Variants in SLC25A45 observed in about 807,000 individuals in gnomAD.
The protein encoded by SLC25A45 is solute carrier family 25 member 45.
Under a neutral mutation model 23.0 loss-of-function variants are expected in SLC25A45, and 22 were observed. The ratio of observed to expected loss-of-function variants is 0.95; its 90% CI spans 0.68 to 1.36. The LOEUF (loss-of-function observed/expected upper bound fraction) is 1.36, where lower values mean the gene tolerates loss of function less well. Ranked by LOEUF, SLC25A45 falls within the 40% of genes most tolerant of loss-of-function variation. The probability of loss-of-function intolerance (pLI) is 0.00; values close to 1 mark genes in which losing one functional copy is unlikely to be tolerated. For missense variants in SLC25A45, 355 were observed against 383.5 expected (o/e 0.93, Z 0.62); for synonymous variants, 136 against 155.0 (o/e 0.88, Z 0.91).
At chr11:65,377,293 G>A in intron 5 of SLC25A45, 1 of 1,403,598 alleles carries the variant, frequency 7.1e-7, no homozygotes, top group East Asian at 2.7e-5. Flanking sequence ...AGGCCCAAGA[G>A]TGAGAGGCAC....
intron 3 of SLC25A45, 49 bp from the exon 4 acceptor site, chr11:65,379,987 C>T: frequency 6.2e-7 from 1 of 1,607,080 alleles, no homozygotes; most frequent in East Asian, 2.2e-5. Context: ...GCAGGTGGGC[C>T]AACCTTTCCC....
At chr11:65,377,100 C>A in intron 5 of SLC25A45, 24 bp from the exon 6 acceptor site, 1 of 1,603,940 alleles carries the variant, frequency 6.2e-7, no homozygotes, top group Non-Finnish European at 8.5e-7. Context: ...AACATGAGGG[C>A]CCCGGGTGGG....
chr11:65,377,402 C>T, intron 5 of SLC25A45: 1 of 1,196,006 alleles, frequency 8.4e-7, no homozygotes, highest in Non-Finnish European at 1.0e-6. Flanking sequence ...TCTGGCCTCC[C>T]TAAAGCCGGC....
rs1275926810 is a variant in SLC25A45 at position 65,382,598 on chromosome 11, G to T, written c.-131C>A. ...TTCCCAGGGGAAAGATAGGGGTTTT[G>T]ATTATTTAAAGTGCGTGTTGATCTG... On this transcript the variant is annotated 5_prime_UTR_variant, in exon 1 of 7. Transcript: ENST00000398802. This position sits in a 1 kb window ranked among gnomAD's most constrained non-coding sequence, Gnocchi z 4.4. 1 of 154,508 alleles carries T rather than the reference G, an allele frequency of 6.5e-6. No homozygotes were observed. Among genetic ancestry groups the T allele is most frequent in the East Asian group, 1.9e-4 (1 of 5,266 alleles). 9.6% of individuals were successfully genotyped at this position (154,508 alleles called of 1,614,324 possible). A position where few individuals can be genotyped will look rare whatever the true frequency, so the allele number is the denominator to read the frequency against.
intron 4 of SLC25A45, 102 bp downstream of exon 4, chr11:65,379,765 C>T: frequency 6.7e-7 from 1 of 1,487,514 alleles, no homozygotes. Flanking sequence ...ACTTGGTCTT[C>T]TCTCCTCCAG....
chr11:65,376,573 A>G lies in SLC25A45; in HGVS notation c.701T>C (p.Leu234Pro). The G allele has an allele frequency of 3.1e-6, 5 of 1,614,152 alleles. No homozygotes were observed. The highest frequency in any genetic ancestry group is 4.2e-6 in the Non-Finnish European group (5 of 1,180,006). Reference sequence around the variant, plus strand: ...CATCCCCTGGTACACTCTGCGTCTCAGTCCATCCATCTGCATCCGGGACTT... The same window carrying G: ...CATCCCCTGGTACACTCTGCGTCTCGGTCCATCCATCTGCATCCGGGACTT... Reference protein sequence around the residue: ...MIKSRMQMDGLRRRVYQGMLD... With the variant: ...MIKSRMQMDGPRRRVYQGMLD... The change falls in exon 7 of 7, where the codon CTG becomes CCG. Residue 234 changes from leucine to proline, a missense_variant. Transcript: ENST00000398802.
At chr11:65,378,422 T>G (rs1344740423) in intron 5 of SLC25A45, 1 of 152,204 alleles carries the variant, frequency 6.6e-6, no homozygotes, top group Non-Finnish European at 1.5e-5. Context: ...CCACTTCTGC[T>G]TTCCAAAGAG....
At position 65,376,290 on chromosome 11, in the gene SLC25A45, T is replaced by G; in HGVS notation, c.*117A>C. On this transcript the variant is annotated 3_prime_UTR_variant, in exon 7 of 7. Coordinates refer to ENST00000398802, the MANE Select transcript of SLC25A45 (RefSeq NM_182556.4). ...AGATCTGCGCGGGTGGGAGGCACCT[T>G]GGTTAGGAAGGGCTGAGCCTCTTGC... 7.6e-7 allele frequency: 1 copy of G among 1,321,478 alleles called. No individual in the cohort carries two copies. The highest frequency in any genetic ancestry group is 1.0e-6 in the Non-Finnish European group (1 of 963,600). The allele number at this position is 1,321,478 out of a possible 1,614,324, so 81.9% of individuals were successfully genotyped here. A position where few individuals can be genotyped will look rare whatever the true frequency, so the allele number is the denominator to read the frequency against.
rs544956231 is a variant in SLC25A45, at chr11:65,375,935, G to T, written c.*472C>A. ...AATTTAGCTGGGTGTGGTGGCGGGC[G>T]CCTATAGTCCCAGCTACTTGGGAGG... On this transcript the variant is annotated 3_prime_UTR_variant, in exon 7 of 7. Transcript: ENST00000398802. 317 of 160,100 alleles carry T rather than the reference G, an allele frequency of 2.0e-3. 1 individual carries two copies. The highest frequency in any genetic ancestry group is 7.4e-3 in the African/African-American group (308 of 41,592). The allele number at this position is 160,100 out of a possible 1,614,324, so 9.9% of individuals were successfully genotyped here.
chr11:65,382,144 T>C lies in SLC25A45; in HGVS notation c.-18-175A>G. ...GCCAGTTCCGGTGACCCTGGCCACC[T>C]GGAGGAGTCGTGCAGAGTACAGTCT... On this transcript the variant is annotated intron_variant, in intron 1 of 6. Transcript: ENST00000398802. This position sits in a 1 kb window ranked among gnomAD's most constrained non-coding sequence, Gnocchi z 4.4. The C allele has an allele frequency of 1.6e-6, 1 of 629,490 alleles. No homozygotes were observed. Among genetic ancestry groups the C allele is most frequent in the Admixed American group, 2.4e-5 (1 of 42,368 alleles). The allele number at this position is 629,490 out of a possible 1,614,324, so 39.0% of individuals were successfully genotyped here.
intron 5 of SLC25A45, chr11:65,378,913 T>C (rs1288818081): frequency 6.0e-6 from 1 of 165,868 alleles, no homozygotes; most frequent in East Asian, 1.9e-4. Flanking sequence ...TCCCAGGTCA[T>C]GGGCACCCAA....
Position 65,376,362 on chromosome 11 carries a change from C to T in SLC25A45, c.*45G>A. On this transcript the variant is annotated 3_prime_UTR_variant, in exon 7 of 7. Transcript: ENST00000398802. The stretch of plus-strand genomic sequence containing the variant: ...CTGGCCTCCAATCTCAAACTGGCCT[C>T]CAGGCCGTGGGCCTGATGGGGAGCT... The T allele has an allele frequency of 6.3e-7, 1 of 1,596,754 alleles. No homozygotes were observed. Among genetic ancestry groups the T allele is most frequent in the Non-Finnish European group, 8.6e-7 (1 of 1,167,602 alleles).
At chr11:65,379,022 C>G in intron 5 of SLC25A45, 2 of 296,502 alleles carry the variant, frequency 6.7e-6, no homozygotes, top group Non-Finnish European at 6.4e-6. Flanking sequence ...CTGCGGGGTG[C>G]TGGTGGTTCT....
intron 2 of SLC25A45, 108 bp downstream of exon 2, chr11:65,381,807 C>T: frequency 7.1e-7 from 1 of 1,406,758 alleles, no homozygotes; most frequent in Admixed American, 1.7e-5. Context: ...ATCCTCCCGC[C>T]AGGCCGGAAC....
chr11:65,379,251 C>T, intron 5 of SLC25A45, 125 bp downstream of exon 5: 2 of 1,121,748 alleles, frequency 1.8e-6, no homozygotes, highest in Non-Finnish European at 2.6e-6. Flanking sequence ...ATAGCACAGG[C>T]CTCTTGTTCC....
In SLC25A45 at chr11:65,376,309, C is replaced by T; in HGVS notation, c.*98G>A. The T allele has an allele frequency of 1.1e-5, 16 of 1,434,754 alleles. No homozygotes were observed. The highest frequency in any genetic ancestry group is 1.4e-5 in the African/African-American group (1 of 71,262). 88.9% of individuals were successfully genotyped at this position (1,434,754 alleles called of 1,614,324 possible). A position where few individuals can be genotyped will look rare whatever the true frequency, so the allele number is the denominator to read the frequency against. The stretch of plus-strand genomic sequence containing the variant: ...GCACCTTGGTTAGGAAGGGCTGAGC[C>T]TCTTGCACTGATTTGCAAGCTTTCA... On this transcript the variant is annotated 3_prime_UTR_variant, in exon 7 of 7. Coordinates refer to ENST00000398802, the MANE Select transcript of SLC25A45 (RefSeq NM_182556.4).
In SLC25A45 at chr11:65,376,857, C is replaced by G; in HGVS notation, c.559G>C (p.Gly187Arg). The G allele has an allele frequency of 6.2e-7, 1 of 1,614,234 alleles. No individual in the cohort carries two copies. The highest frequency in any genetic ancestry group is 8.5e-7 in the Non-Finnish European group (1 of 1,180,042). Reference protein sequence around the residue: ...TVGIYFITYEGLCRQYTPEGQ... With the variant: ...TVGIYFITYERLCRQYTPEGQ... ...TCTGGTGTGTACTGGCGACAGAGCC[C>G]TTCATAGGTGATGAAGTAGATCCCC... The change falls in exon 6 of 7, where the codon GGG (glycine) becomes CGG (arginine). Residue 187 changes from glycine (G) to arginine (R), a missense_variant. Gly to Arg is a moderately radical substitution (Grantham distance 125). Transcript: ENST00000398802.
chr11:65,379,316 G>A, intron 5 of SLC25A45, 60 bp downstream of exon 5: 2 of 1,581,614 alleles, frequency 1.3e-6, no homozygotes, highest in Non-Finnish European at 1.7e-6. Context: ...GGGTGGGAGA[G>A]GACAGATCGA....
Position 65,376,139 on chromosome 11 carries a change from G to A in SLC25A45, c.*268C>T, listed in dbSNP as rs7107967. 2,533 of 526,864 alleles carry A rather than the reference G, an allele frequency of 4.8e-3. 56 individuals carry two copies. Among genetic ancestry groups the A allele is most frequent in the African/African-American group, 0.045 (2,317 of 52,006 alleles). 32.6% of individuals were successfully genotyped at this position (526,864 alleles called of 1,614,324 possible). A position where few individuals can be genotyped will look rare whatever the true frequency, so the allele number is the denominator to read the frequency against. On this transcript the variant is annotated 3_prime_UTR_variant, in exon 7 of 7. Transcript: ENST00000398802. ...AGCTGGGATGTCACCAGCACCACTT[G>A]CCAGCTCACTTGTGCCTCATGCTCC...
Sources: allele counts gnomAD v4.1 joint callset, GRCh38; gene constraint gnomAD v4.1.1; non-coding constraint Gnocchi (gnomAD v3.1); transcripts MANE v1.5; gene names NCBI Gene and HGNC (gene_info 2026-07-23, HGNC 2026-07-21).